GDAP2: variants seen among roughly 807,000 people sequenced by gnomAD.
GDAP2 encodes ganglioside-induced differentiation-associated protein 2.
Under a neutral mutation model 67.0 loss-of-function variants are expected in GDAP2, and 51 were observed. The observed-to-expected ratio is 0.76, with a 90% CI of 0.61 to 0.96. The LOEUF (loss-of-function observed/expected upper bound fraction) is 0.96. GDAP2 is among the 40% of genes least tolerant of loss of function. The probability of loss-of-function intolerance (pLI) is 0.00; values close to 1 mark genes in which losing one functional copy is unlikely to be tolerated. For missense variants in GDAP2, 547 were observed against 588.3 expected (o/e 0.93, Z 0.73); for synonymous variants, 203 against 207.3 (o/e 0.98, Z 0.18).
At chr1:117,909,134 T>G (rs1047563230) in intron 5 of GDAP2, among the ~76,000 whole-genome samples, 7 of 152,206 alleles carry the variant, frequency 4.6e-5, no homozygotes, top group African/African-American at 1.7e-4. Flanking sequence ...CCAACCACAA[T>G]GTCCTGTGCT....
chr1:117,924,466 G>T (rs908906254), intron 1 of GDAP2, among the ~76,000 whole-genome samples: 1 of 152,166 alleles, frequency 6.6e-6, no homozygotes, highest in African/African-American at 2.4e-5. Flanking sequence ...ATGATCTCAT[G>T]AAGTTTTTTG....
intron 1 of GDAP2, among the ~76,000 whole-genome samples, chr1:117,921,769 G>C (rs2101168704): frequency 6.6e-6 from 1 of 152,266 alleles, no homozygotes; most frequent in East Asian, 1.9e-4. Flanking sequence ...GAATACTGTA[G>C]CTACAATGAA....
rs755196775 is a variant in GDAP2 at position 117,918,684 on chromosome 1, C to T, written c.229G>A (p.Glu77Lys). 3 of 1,600,312 alleles carry T rather than the reference C, an allele frequency of 1.9e-6. No homozygotes were observed. In the Admixed American group the frequency reaches 5.0e-5, roughly 27 times the overall value. ...ACAGGATTCTTATCTGTGAGACTTT[C>T]ATTGCTGGTATTCACAATGGCTGTA... The part of the protein sequence containing the change: ...NCTAIVNTSN[E>K]SLTDKNPVSE... The change falls in exon 3 of 14, where the codon GAA becomes AAA. Residue 77 changes from glutamate (E) to lysine (K), a missense_variant. Transcript: ENST00000369443.
Position 117,912,657 on chromosome 1 carries a change from T to A in GDAP2, c.343A>T (p.Thr115Ser), listed in dbSNP as rs1649900652. The change falls in exon 4 of 14, where the codon ACA becomes TCA. Residue 115 changes from threonine to serine, a missense_variant. Coordinates refer to ENST00000369443, the MANE Select transcript of GDAP2 (RefSeq NM_017686.4). ...KGCRTGEAKL[T>S]KGFNLAARFI... ...CGGGCAGCTAGATTGAATCCTTTTG[T>A]CAATTTTGCTTCACCTGTTCGGCAC... The A allele has an allele frequency of 6.2e-7, 1 of 1,613,548 alleles. No individual in the cohort carries two copies. Among genetic ancestry groups the A allele is most frequent in the Non-Finnish European group, 8.5e-7 (1 of 1,179,664 alleles).
chr1:117,900,078 T>TA lies in GDAP2; in HGVS notation c.637-863dup, dbSNP rs79723835. ...TATAAAAAAACTGAGATACAATCTT[T>TA]AAAAAAAAACTGAGACAGAATTCAC... On this transcript the variant is annotated intron_variant, in intron 6 of 13. Transcript: ENST00000369443. Among the ~76,000 whole-genome samples the TA allele has an allele frequency of 7.6e-3, 1,157 of 151,586 alleles. 7 individuals are homozygous for TA. The highest frequency in any genetic ancestry group is 0.033 in the East Asian group (173 of 5,172).
In GDAP2 at chr1:117,869,728, C is replaced by G. The variant is rs1407898638; in HGVS notation, c.*841G>C. 6.6e-6 allele frequency: 1 copy of G among 152,606 alleles called. No homozygotes were observed. Among genetic ancestry groups the G allele is most frequent in the Non-Finnish European group, 1.5e-5 (1 of 68,066 alleles). 9.5% of individuals were successfully genotyped at this position (152,606 alleles called of 1,614,324 possible). A position where few individuals can be genotyped will look rare whatever the true frequency, so the allele number is the denominator to read the frequency against. ...TGAAATGTCCTTAGAGGTAGTAGACCTGATAGCTAAACAAAATCATTCATG... is the reference window on the plus strand; with the variant it reads ...TGAAATGTCCTTAGAGGTAGTAGACGTGATAGCTAAACAAAATCATTCATG... On this transcript the variant is annotated 3_prime_UTR_variant, in exon 14 of 14. Coordinates refer to ENST00000369443, the MANE Select transcript of GDAP2 (RefSeq NM_017686.4).
intron 10 of GDAP2, among the ~76,000 whole-genome samples, chr1:117,886,196 G>T (rs990207306): frequency 6.6e-6 from 1 of 151,904 alleles, no homozygotes; most frequent in Non-Finnish European, 1.5e-5. Context: ...GCTATCTTGG[G>T]TAAACTACAT....
In GDAP2 at chr1:117,868,620, C is replaced by G. The variant is rs1213230725; in HGVS notation, c.*1949G>C. On this transcript the variant is annotated 3_prime_UTR_variant, in exon 14 of 14. Coordinates refer to ENST00000369443, the MANE Select transcript of GDAP2 (RefSeq NM_017686.4). Reference sequence around the variant, plus strand: ...TTGAGGTAGCCAAGTTCCCCTTTAACAAAGAAAAGTTGGCAGACTTTCATA... The same window carrying G: ...TTGAGGTAGCCAAGTTCCCCTTTAAGAAAGAAAAGTTGGCAGACTTTCATA... The G allele has an allele frequency of 6.6e-6, 1 of 152,048 alleles. No individual in the cohort carries two copies. Among genetic ancestry groups the G allele is most frequent in the Non-Finnish European group, 1.5e-5 (1 of 68,020 alleles). The allele number at this position is 152,048 out of a possible 1,614,324, so 9.4% of individuals were successfully genotyped here.
At chr1:117,910,710 C>T (rs1393474313) in intron 5 of GDAP2, among the ~76,000 whole-genome samples, 1 of 152,142 alleles carries the variant, frequency 6.6e-6, no homozygotes, top group African/African-American at 2.4e-5. Flanking sequence ...TCTATAACAG[C>T]TGCAACAGAT....
intron 13 of GDAP2, chr1:117,877,441 A>G: frequency 2.0e-6 from 2 of 976,572 alleles, no homozygotes; most frequent in Non-Finnish European, 2.4e-6. Context: ...ATGAATAAAC[A>G]CAATAGAATA....
At chr1:117,888,025 G>T (rs1010545046) in intron 8 of GDAP2, among the ~76,000 whole-genome samples, 1 of 152,086 alleles carries the variant, frequency 6.6e-6, no homozygotes, top group Non-Finnish European at 1.5e-5. Flanking sequence ...TCAAATGAAG[G>T]TTGTACAGGT....
chr1:117,896,024 A>C (rs1381752043), intron 8 of GDAP2, among the ~76,000 whole-genome samples: 1 of 152,192 alleles, frequency 6.6e-6, no homozygotes, highest in Non-Finnish European at 1.5e-5. Flanking sequence ...AGAGTAGCCC[A>C]TTCAAAAGGA....
chr1:117,912,584 G>A lies in GDAP2; in HGVS notation c.416C>T (p.Thr139Ile). ...VGPKYKSRYR[T>I]AAESSLYSCY... ...GCTATAAAGGGAACTCTCAGCTGCTGTGCGATAGCGGCTTTTATATTTAGG... is the reference window on the plus strand; with the variant it reads ...GCTATAAAGGGAACTCTCAGCTGCTATGCGATAGCGGCTTTTATATTTAGG... Residue 139 changes from threonine to isoleucine, a missense_variant, in exon 4 of 14, where the codon ACA (threonine) becomes ATA (isoleucine). By Grantham distance (89) the Thr-to-Ile change is moderately conservative. Coordinates refer to ENST00000369443, the MANE Select transcript of GDAP2 (RefSeq NM_017686.4). 6.2e-7 allele frequency: 1 copy of A among 1,613,218 alleles called. No homozygotes were observed. The highest frequency in any genetic ancestry group is 8.5e-7 in the Non-Finnish European group (1 of 1,179,194).
At chr1:117,910,696 G>A (rs958147918) in intron 5 of GDAP2, among the ~76,000 whole-genome samples, 2 of 152,282 alleles carry the variant, frequency 1.3e-5, no homozygotes, top group African/African-American at 4.8e-5. Context: ...AATGAGAAGT[G>A]TTTTCTATAA....
chr1:117,894,715 G>C (rs753063993), intron 8 of GDAP2, among the ~76,000 whole-genome samples: 1 of 152,116 alleles, frequency 6.6e-6, no homozygotes, highest in Non-Finnish European at 1.5e-5. Flanking sequence ...TTCAAAGAAT[G>C]ACTGGCAAAC....
At chr1:117,893,247 G>A (rs1649152284) in intron 8 of GDAP2, among the ~76,000 whole-genome samples, 1 of 152,146 alleles carries the variant, frequency 6.6e-6, no homozygotes, top group African/African-American at 2.4e-5. Flanking sequence ...AACTTGAAGA[G>A]TTTCAAAAGC....
At chr1:117,876,313 C>T (rs2101117467) in intron 13 of GDAP2, among the ~76,000 whole-genome samples, 1 of 152,254 alleles carries the variant, frequency 6.6e-6, no homozygotes, top group African/African-American at 2.4e-5. Context: ...GAGATCCCTG[C>T]ACATACTGGT....
chr1:117,914,577 T>C (rs1160959419), intron 3 of GDAP2, among the ~76,000 whole-genome samples: 2 of 152,082 alleles, frequency 1.3e-5, no homozygotes, highest in Non-Finnish European at 2.9e-5. Flanking sequence ...CATCAGTTTC[T>C]AGATTCAAAG....
rs759610124 is a variant in GDAP2, at chr1:117,912,003, T to C, written c.550A>G (p.Ile184Val). The change falls in exon 5 of 14, where the codon ATA becomes GTA. Residue 184 changes from isoleucine (I) to valine (V), a missense_variant. Ile to Val is a conservative substitution (Grantham distance 29). Transcript: ENST00000369443. ...RGYPLEDATH[I>V]ALRTVRRFLE... is the part of the protein sequence containing the mutation. ...CTCTGATATTACTTACGAAGTGCTA[T>C]GTGTGTTGCATCCTCTAAAGGATAA... 8 of 1,565,994 alleles carry C rather than the reference T, an allele frequency of 5.1e-6. No individual in the cohort carries two copies. Among genetic ancestry groups the C allele is most frequent in the South Asian group, 1.1e-5 (1 of 90,116 alleles).
Sources: allele counts gnomAD v4.1 joint callset (sites outside exome capture counted in the v4.1 genomes callset), GRCh38; gene constraint gnomAD v4.1.1; transcripts MANE v1.5; gene names NCBI Gene and HGNC (gene_info 2026-07-23, HGNC 2026-07-21).